The following GASK1A variants were observed in gnomAD, a reference collection of about 807,000 sequenced individuals.
The protein encoded by GASK1A is golgi associated kinase 1A.
A neutral mutation model predicts 41.2 loss-of-function variants in GASK1A; 40 were observed. The ratio of observed to expected loss-of-function variants is 0.97; its 90% confidence interval spans 0.75 to 1.27. The LOEUF is 1.27. Ranked by LOEUF, GASK1A falls within the 50% of genes most tolerant of loss-of-function variation. The pLI, the probability that GASK1A is intolerant of heterozygous loss-of-function variation, is 0.00. For missense variants in GASK1A, 678 were observed against 745.1 expected (o/e 0.91, Z 1.05); for synonymous variants, 316 against 307.1 (o/e 1.03, Z -0.30).
chr3:43,022,684 T>C (rs1476485572), intron 1 of GASK1A, among the ~76,000 whole-genome samples: 2 of 152,166 alleles, frequency 1.3e-5, no homozygotes, highest in African/African-American at 4.8e-5. Context: ...TTAAAGGAGA[T>C]AGTAACTTAT....
chr3:43,005,146 CA>C (rs2089429843), intron 1 of GASK1A, among the ~76,000 whole-genome samples: 1 of 152,190 alleles, frequency 6.6e-6, no homozygotes, highest in Non-Finnish European at 1.5e-5. Context: ...TCGGGCCCAT[CA>C]GATGATCTAG....
At chr3:42,985,575 GT>G (rs2089304352) in intron 1 of GASK1A, among the ~76,000 whole-genome samples, 2 of 147,888 alleles carry the variant, frequency 1.4e-5, no homozygotes, top group Middle Eastern at 3.5e-3. Context: ...GTGTGTGTGT[GT>G]GTGTGTGTGT....
At chr3:43,055,293 C>T (rs2089710288) in intron 3 of GASK1A, 139 bp from the exon 4 acceptor site, 3 of 613,456 alleles carry the variant, frequency 4.9e-6, no homozygotes, top group African/African-American at 1.9e-5. Context: ...AAGCACTCAG[C>T]GGTGAGGACT....
chr3:43,020,370 G>T (rs946719658), intron 1 of GASK1A, among the ~76,000 whole-genome samples: 2 of 152,160 alleles, frequency 1.3e-5, no homozygotes, highest in Non-Finnish European at 2.9e-5. Flanking sequence ...TTGACAGAAG[G>T]CTCCCTCCAT....
intron 2 of GASK1A, among the ~76,000 whole-genome samples, chr3:43,036,087 A>G (rs1259160312): frequency 6.6e-6 from 1 of 152,238 alleles, no homozygotes; most frequent in Non-Finnish European, 1.5e-5. Flanking sequence ...TGCTCCACAC[A>G]GAGCCCCTCT....
At chr3:43,030,443 C>A (rs914435648) in intron 1 of GASK1A, among the ~76,000 whole-genome samples, 3 of 152,340 alleles carry the variant, frequency 2.0e-5, no homozygotes, top group African/African-American at 7.2e-5. Context: ...GGATGCTGCG[C>A]AGTCCCGAAG....
intron 2 of GASK1A, among the ~76,000 whole-genome samples, chr3:43,035,191 G>A (rs1413431230): frequency 1.3e-5 from 2 of 152,162 alleles, no homozygotes; most frequent in Non-Finnish European, 2.9e-5. Flanking sequence ...AAATGGGGTT[G>A]TGCACCCCAA....
Position 43,032,287 on chromosome 3 carries a change from G to C in GASK1A, c.24G>C (p.Lys8Asn). The C allele has an allele frequency of 6.5e-7, 1 of 1,527,888 alleles. No homozygotes were observed. The highest frequency in any genetic ancestry group is 2.5e-5 in the East Asian group (1 of 40,254). 94.6% of individuals were successfully genotyped at this position (1,527,888 alleles called of 1,614,324 possible). Residue 8 changes from lysine to asparagine, a missense_variant, in exon 2 of 5, where the codon AAG becomes AAC. Lys to Asn is a moderately conservative substitution (Grantham distance 94). Coordinates refer to ENST00000430121, the MANE Select transcript of GASK1A (RefSeq NM_001129908.3). ...CTCAGGCGTCTTGGCTCCGGAGAAA[G>C]CTGCGTGGCAAGAGGCGGCCAGTGA... MASWLRRKLRGKRRPVIA... is the reference protein window; with the variant it reads MASWLRRNLRGKRRPVIA...
intron 2 of GASK1A, among the ~76,000 whole-genome samples, chr3:43,035,319 G>A (rs1178617422): frequency 6.6e-6 from 1 of 152,178 alleles, no homozygotes; most frequent in Non-Finnish European, 1.5e-5. Flanking sequence ...TACCCTCCAG[G>A]TAGTGTGGCC....
At chr3:43,017,213 C>T (rs2089496295) in intron 1 of GASK1A, among the ~76,000 whole-genome samples, 1 of 143,196 alleles carries the variant, frequency 7.0e-6, no homozygotes, top group Admixed American at 7.0e-5. Context: ...TGTGAAGTCA[C>T]AGGGAGGGAT....
Position 43,055,908 on chromosome 3 carries a change from A to C in GASK1A, c.1518-268A>C, listed in dbSNP as rs141097763. 3 of 489,078 alleles carry C rather than the reference A, an allele frequency of 6.1e-6. No individual in the cohort carries two copies. In the East Asian group the frequency reaches 1.1e-4, roughly 18 times the overall value. 30.3% of individuals were successfully genotyped at this position (489,078 alleles called of 1,614,324 possible). A position where few individuals can be genotyped will look rare whatever the true frequency, so the allele number is the denominator to read the frequency against. ...TTCTGGCCCTGCATTTGCCAAGTGG[A>C]GCCTGGGATAGCGGAATTTATTCAC... On this transcript the variant is annotated intron_variant, in intron 4 of 4. Transcript: ENST00000430121.
chr3:43,009,456 A>G (rs1437965680), intron 1 of GASK1A, among the ~76,000 whole-genome samples: 1 of 152,062 alleles, frequency 6.6e-6, no homozygotes, highest in East Asian at 1.9e-4. Flanking sequence ...TCTTTCCCCC[A>G]TGTGCCCTGA....
chr3:43,003,908 AT>A lies in GASK1A; in HGVS notation c.3+24267del, dbSNP rs562540997. ...TGGGACTACTGACCCAGAGAAGGTG[AT>A]TTTGCCCCCTAGTGATAATTGAATC... On this transcript the variant is annotated intron_variant, in intron 1 of 4. Transcript: ENST00000430121. 6.6e-5 allele frequency among the ~76,000 whole-genome samples: 10 copies of A among 152,288 alleles called. No homozygotes were observed. In the South Asian group the frequency reaches 1.9e-3, roughly 28 times the overall value.
chr3:43,040,167 G>A (rs2089628737), intron 2 of GASK1A, among the ~76,000 whole-genome samples: 1 of 152,100 alleles, frequency 6.6e-6, no homozygotes, highest in African/African-American at 2.4e-5. Context: ...TTATTTTGGA[G>A]TAAGGGATAA....
At chr3:43,052,299 T>A (rs187604195) in intron 2 of GASK1A, among the ~76,000 whole-genome samples, 1 of 152,330 alleles carries the variant, frequency 6.6e-6, no homozygotes, top group East Asian at 1.9e-4. Context: ...GCAGCTTCAC[T>A]GAAGGACAGA....
At chr3:42,980,384 C>T (rs1248402262) in intron 1 of GASK1A, among the ~76,000 whole-genome samples, 4 of 152,170 alleles carry the variant, frequency 2.6e-5, no homozygotes, top group African/African-American at 4.8e-5. Flanking sequence ...CCCTCAGGCC[C>T]GGCCGCTGGT....
intron 1 of GASK1A, among the ~76,000 whole-genome samples, chr3:42,981,258 A>G (rs1559394683): frequency 6.6e-6 from 1 of 152,164 alleles, no homozygotes; most frequent in African/African-American, 2.4e-5. Flanking sequence ...TGGCAGTGAA[A>G]TGGCCTTGGA....
chr3:42,998,496 G>A (rs566415595), intron 1 of GASK1A, among the ~76,000 whole-genome samples: 11 of 152,196 alleles, frequency 7.2e-5, no homozygotes, highest in East Asian at 5.8e-4. Context: ...ATGTCCCTGC[G>A]ACTTTTATAG....
At chr3:42,993,270 C>T (rs1377771895) in intron 1 of GASK1A, among the ~76,000 whole-genome samples, 1 of 152,196 alleles carries the variant, frequency 6.6e-6, no homozygotes, top group African/African-American at 2.4e-5. Context: ...GCACCAGCCA[C>T]AGTAGTGTTG....
Sources: allele counts gnomAD v4.1 joint callset (sites outside exome capture counted in the v4.1 genomes callset), GRCh38; gene constraint gnomAD v4.1.1; transcripts MANE v1.5; gene names NCBI Gene and HGNC (gene_info 2026-07-23, HGNC 2026-07-21).